The following ZFHX3 variants were observed in gnomAD, a reference collection of about 807,000 sequenced individuals.
ZFHX3 encodes the protein zinc finger homeobox protein 3.
ZFHX3 carries 42 observed loss-of-function variants against 279.1 expected under a neutral mutation model. The observed-to-expected ratio is 0.15, with a 90% CI of 0.12 to 0.19. The LOEUF (loss-of-function observed/expected upper bound fraction) is 0.19, where lower values mean the gene tolerates loss of function less well. Among genes scored for constraint, ZFHX3 ranks in the 10% least tolerant of loss-of-function variants. ZFHX3 has a pLI of 1.00. For missense variants in ZFHX3, 4,981 were observed against 4,754.0 expected (o/e 1.05, Z -1.40); for synonymous variants, 2,293 against 1,957.8 (o/e 1.17, Z -4.52).
chr16:73,265,002 T>G (rs1319797237), intron 4 of ZFHX3, among the ~76,000 whole-genome samples: 1 of 137,902 alleles, frequency 7.3e-6, no homozygotes, highest in Non-Finnish European at 1.5e-5. Context: ...TATATATATA[T>G]AGCACCTCAG....
chr16:73,052,489 C>T (rs911427176), upstream of ZFHX3, among the ~76,000 whole-genome samples: 4 of 152,070 alleles, frequency 2.6e-5, no homozygotes, highest in Non-Finnish European at 5.9e-5. Context: ...CCTATCTTTT[C>T]ATTTTAGGGC....
intron 3 of ZFHX3, among the ~76,000 whole-genome samples, chr16:73,416,818 G>A (rs2017595770): frequency 6.7e-6 from 1 of 149,168 alleles, no homozygotes; most frequent in Non-Finnish European, 1.5e-5. Context: ...AGCCTGCAGT[G>A]AGCCGAGATC....
chr16:73,265,095 G>T (rs2013938247), intron 4 of ZFHX3, among the ~76,000 whole-genome samples: 1 of 151,736 alleles, frequency 6.6e-6, no homozygotes, highest in African/African-American at 2.4e-5. Context: ...GTGTGTGTGT[G>T]TGTGTGTGTG....
At chr16:72,919,488 C>G (rs1206035265) in intron 3 of ZFHX3, among the ~76,000 whole-genome samples, 1 of 152,118 alleles carries the variant, frequency 6.6e-6, no homozygotes, top group Non-Finnish European at 1.5e-5. Flanking sequence ...GGTTCTCTCA[C>G]TGATTCTGAC....
chr16:73,034,823 A>C (rs764286074), intron 1 of ZFHX3, among the ~76,000 whole-genome samples: 3 of 152,200 alleles, frequency 2.0e-5, no homozygotes, highest in Admixed American at 1.3e-4. Context: ...CAGTTTACAG[A>C]ACACTGGCAC....
intron 5 of ZFHX3, among the ~76,000 whole-genome samples, chr16:72,818,553 TC>T (rs1008739551): frequency 6.6e-6 from 1 of 152,182 alleles, no homozygotes; most frequent in Non-Finnish European, 1.5e-5. Flanking sequence ...TCATTCTGCC[TC>T]CAACCAAGCA....
intron 5 of ZFHX3, among the ~76,000 whole-genome samples, chr16:72,817,459 G>A (rs1281208780): frequency 5.3e-5 from 8 of 152,142 alleles, no homozygotes; most frequent in African/African-American, 1.7e-4. Flanking sequence ...AGTAAAACAT[G>A]GAACCTTAAG....
At chr16:72,900,826 G>A (rs1202887389) in intron 3 of ZFHX3, among the ~76,000 whole-genome samples, 3 of 152,194 alleles carry the variant, frequency 2.0e-5, no homozygotes, top group East Asian at 1.9e-4. Flanking sequence ...TTTGAGAACC[G>A]ATGCTCTGGC....
In ZFHX3 at chr16:73,873,333, A is replaced by G. The variant is rs1221439034; in HGVS notation, c.-1608+18318T>C. Among the ~76,000 whole-genome samples the G allele has an allele frequency of 1.2e-4, 18 of 151,644 alleles. No individual in the cohort carries two copies. In the East Asian group the frequency reaches 3.5e-3, roughly 29 times the overall value. ...TGGGTGGTAGTGGGTGGTGGTGACC[A>G]AATTAGCCAAGTGTGCAGCAGCAAA... On this transcript the variant is annotated intron_variant, in intron 1 of 17. Transcript: ENST00000641206.
At chr16:73,699,872 T>G (rs2053230907) in intron 1 of ZFHX3, among the ~76,000 whole-genome samples, 1 of 152,128 alleles carries the variant, frequency 6.6e-6, no homozygotes, top group African/African-American at 2.4e-5. Flanking sequence ...ATGAGAAATT[T>G]GGGGTTCATA....
At chr16:72,858,255 T>C (rs1480919719) in intron 4 of ZFHX3, among the ~76,000 whole-genome samples, 1 of 152,234 alleles carries the variant, frequency 6.6e-6, no homozygotes, top group South Asian at 2.1e-4. Flanking sequence ...GACTTATTTA[T>C]TTATTTCTTC....
intron 1 of ZFHX3, among the ~76,000 whole-genome samples, chr16:73,878,993 G>T: frequency 6.8e-6 from 1 of 148,060 alleles, no homozygotes; most frequent in African/African-American, 2.5e-5. Context: ...TCCTATTATA[G>T]ATCATTATGT....
intron 1 of ZFHX3, among the ~76,000 whole-genome samples, chr16:73,722,548 G>A (rs188906149): frequency 6.5e-4 from 99 of 152,234 alleles, no homozygotes; most frequent in Non-Finnish European, 1.1e-3. Flanking sequence ...AGTAGGCAGC[G>A]TACTCTATGA....
At chr16:73,886,646 T>C (rs2030355153) in intron 1 of ZFHX3, among the ~76,000 whole-genome samples, 1 of 152,226 alleles carries the variant, frequency 6.6e-6, no homozygotes, top group Non-Finnish European at 1.5e-5. Flanking sequence ...ACACTGACCA[T>C]TAATCTAGAG....
intron 2 of ZFHX3, chr16:73,609,445 A>T (rs2052223420): frequency 6.6e-6 from 1 of 152,212 alleles, no homozygotes; most frequent in South Asian, 2.1e-4. Context: ...GCGGACTAGA[A>T]ATTGAAAGGG....
intron 2 of ZFHX3, among the ~76,000 whole-genome samples, chr16:73,472,548 T>C (rs1357976277): frequency 1.3e-5 from 2 of 152,184 alleles, no homozygotes; most frequent in Non-Finnish European, 2.9e-5. Flanking sequence ...CATGAGTGCC[T>C]GAGTCAGGAG....
rs577675764 is a variant in ZFHX3, at chr16:73,571,336, G to A, written c.-1547+108844C>T. The stretch of plus-strand genomic sequence containing the variant: ...AAGTAAAAATGAACGAAAAAGCTTA[G>A]TTCTTTTGTGCTAAACAAAAAGGTG... On this transcript the variant is annotated intron_variant, in intron 2 of 17. Coordinates refer to the ZFHX3 transcript ENST00000641206. Among the ~76,000 whole-genome samples the A allele has an allele frequency of 2.6e-5, 4 of 152,176 alleles. No homozygotes were observed. The South Asian group carries it at 8.3e-4, about 32-fold the overall frequency.
chr16:73,322,017 G>T (rs142299116), intron 3 of ZFHX3, among the ~76,000 whole-genome samples: 1 of 152,170 alleles, frequency 6.6e-6, no homozygotes. Context: ...AATAAAACTC[G>T]TGATTTCCCA....
At chr16:73,482,052 T>C (rs542769722) in intron 2 of ZFHX3, among the ~76,000 whole-genome samples, 11 of 152,240 alleles carry the variant, frequency 7.2e-5, no homozygotes, top group African/African-American at 2.4e-4. Context: ...GAATATCCTT[T>C]GTAAATAATA....
Sources: allele counts gnomAD v4.1 joint callset (sites outside exome capture counted in the v4.1 genomes callset), GRCh38; gene constraint gnomAD v4.1.1; transcripts MANE v1.5; gene names NCBI Gene and HGNC (gene_info 2026-07-23, HGNC 2026-07-21).